The following SMAD3 variants were observed in gnomAD, a reference collection of about 807,000 sequenced individuals.
The protein encoded by SMAD3 is MAD homolog 3.
In SMAD3, 12 loss-of-function variants were observed where a neutral mutation model predicts 51.8. The ratio of observed to expected loss-of-function variants is 0.23; its 90% confidence interval spans 0.15 to 0.38. The LOEUF (loss-of-function observed/expected upper bound fraction) is 0.38, where lower values mean the gene tolerates loss of function less well. SMAD3 is among the 10% of genes least tolerant of loss of function. SMAD3 has a pLI of 1.00. For missense variants in SMAD3, 294 were observed against 565.6 expected, an observed-to-expected ratio of 0.52 and a Z score of 4.87; for synonymous variants, 238 against 227.7, an observed-to-expected ratio of 1.05 and a Z score of -0.41.
chr15:67,085,603 A>C (rs995126223), intron 1 of SMAD3, among the ~76,000 whole-genome samples: 1 of 152,044 alleles, frequency 6.6e-6, no homozygotes, highest in African/African-American at 2.4e-5. Flanking sequence ...ATGATTTGCA[A>C]TTGGTTGTTG....
chr15:67,113,013 C>T lies in SMAD3; in HGVS notation c.206+46653C>T, dbSNP rs1211470523. Among the ~76,000 whole-genome samples, 2 of 125,114 alleles carry T rather than the reference C, an allele frequency of 1.6e-5. 1 individual carries two copies. Among genetic ancestry groups the T allele is most frequent in the Non-Finnish European group, 3.2e-5 (2 of 62,028 alleles). 82.1% of individuals were successfully genotyped at this position (125,114 alleles called of 152,430 possible). On this transcript the variant is annotated intron_variant, in intron 1 of 8. Transcript: ENST00000327367. ...TTTTATTGATCCATACATCTATCCTCATGACAGTCTTGACTACTATAGCTT... is the reference window on the plus strand; with the variant it reads ...TTTTATTGATCCATACATCTATCCTTATGACAGTCTTGACTACTATAGCTT...
intron 1 of SMAD3, chr15:67,098,938 T>C: frequency 1.4e-6 from 1 of 702,416 alleles, no homozygotes; most frequent in East Asian, 2.7e-5. Context: ...CCCATGGAGA[T>C]GGGACAGTGT....
intron 1 of SMAD3, among the ~76,000 whole-genome samples, chr15:67,151,207 T>C (rs1962132514): frequency 6.6e-6 from 1 of 152,144 alleles, no homozygotes; most frequent in Non-Finnish European, 1.5e-5. Context: ...GGCCCAGATT[T>C]GTGTTTCAGT....
At chr15:67,156,155 G>A (rs1402147727) in intron 1 of SMAD3, among the ~76,000 whole-genome samples, 4 of 152,130 alleles carry the variant, frequency 2.6e-5, no homozygotes, top group African/African-American at 9.7e-5. Flanking sequence ...GTACCAGTGT[G>A]GGTTCAGGGC....
chr15:67,136,735 C>A (rs944209803), intron 1 of SMAD3, among the ~76,000 whole-genome samples: 1 of 152,216 alleles, frequency 6.6e-6, no homozygotes, highest in African/African-American at 2.4e-5. Flanking sequence ...AAATTTAGAA[C>A]ACATGGAGAA....
intron 1 of SMAD3, among the ~76,000 whole-genome samples, chr15:67,074,185 G>A (rs545657671): frequency 3.9e-3 from 589 of 152,332 alleles, no homozygotes; most frequent in Non-Finnish European, 5.4e-3. Flanking sequence ...CTAAATCAGT[G>A]AAATTTAACT....
intron 1 of SMAD3, among the ~76,000 whole-genome samples, chr15:67,101,703 G>A (rs1474959977): frequency 6.6e-6 from 1 of 152,228 alleles, no homozygotes; most frequent in African/African-American, 2.4e-5. Context: ...TGACAAGATC[G>A]AGATTGATTA....
chr15:67,088,588 A>G (rs191763386), intron 1 of SMAD3, among the ~76,000 whole-genome samples: 19 of 152,158 alleles, frequency 1.2e-4, no homozygotes, highest in African/African-American at 3.4e-4. Flanking sequence ...TAGGAAGGCT[A>G]TTTCAGAATG....
At chr15:67,186,804 TC>T (rs1567003103) in intron 7 of SMAD3, 3 of 332,448 alleles carry the variant, frequency 9.0e-6, no homozygotes, top group Non-Finnish European at 1.8e-5. Context: ...GGTGTATTCA[TC>T]AGAGGAGCCC....
intron 1 of SMAD3, among the ~76,000 whole-genome samples, chr15:67,139,687 A>C (rs543449713): frequency 7.9e-5 from 12 of 152,262 alleles, no homozygotes. Context: ...CTATGTTAAA[A>C]GGCCCTGGGA....
At chr15:67,082,862 T>C (rs57223125) in intron 1 of SMAD3, among the ~76,000 whole-genome samples, 5,751 of 152,272 alleles carry the variant, frequency 0.038, 385 homozygotes, top group African/African-American at 0.13. Flanking sequence ...TCAGAGTTAA[T>C]TAGTTTTTTG....
intron 1 of SMAD3, among the ~76,000 whole-genome samples, chr15:67,122,498 A>G (rs1194384591): frequency 3.9e-5 from 6 of 152,218 alleles, no homozygotes; most frequent in South Asian, 2.1e-4. Context: ...TTTTTTGGCC[A>G]TTTGTTAGAG....
chr15:67,178,311 TC>T (rs1052272927), intron 5 of SMAD3, among the ~76,000 whole-genome samples: 9 of 152,168 alleles, frequency 5.9e-5, no homozygotes, highest in African/African-American at 1.4e-4. Flanking sequence ...GGGTTGCCGT[TC>T]CTGGGAGCCT....
intron 1 of SMAD3, among the ~76,000 whole-genome samples, chr15:67,129,279 C>T (rs1961465923): frequency 6.6e-6 from 1 of 152,174 alleles, no homozygotes; most frequent in Admixed American, 6.5e-5. Context: ...TTTGTTTAGC[C>T]TTCTAGAGCA....
chr15:67,069,332 A>G (rs1382346244), intron 1 of SMAD3, among the ~76,000 whole-genome samples: 3 of 152,180 alleles, frequency 2.0e-5, no homozygotes, highest in African/African-American at 7.2e-5. Flanking sequence ...CAGAATTTAC[A>G]CAAGTTTTAT....
intron 5 of SMAD3, among the ~76,000 whole-genome samples, chr15:67,176,487 G>A (rs1273710500): frequency 1.3e-5 from 2 of 152,210 alleles, no homozygotes; most frequent in African/African-American, 2.4e-5. Flanking sequence ...CCTGGCCTTT[G>A]CCCGTTCCTT....
intron 1 of SMAD3, among the ~76,000 whole-genome samples, chr15:67,092,120 G>T (rs1448478524): frequency 6.6e-6 from 1 of 152,152 alleles, no homozygotes; most frequent in Non-Finnish European, 1.5e-5. Context: ...ACTACTTGCT[G>T]TGAGAGCCTC....
At chr15:67,153,751 T>TA (rs1377053220) in intron 1 of SMAD3, among the ~76,000 whole-genome samples, 1 of 152,304 alleles carries the variant, frequency 6.6e-6, no homozygotes, top group Non-Finnish European at 1.5e-5. Context: ...CCAACAAAGA[T>TA]TAGCCCAAAA....
chr15:67,169,622 AT>A (rs11333560), intron 4 of SMAD3, among the ~76,000 whole-genome samples: 40,913 of 127,848 alleles, frequency 0.32, 6,078 homozygotes, highest in East Asian at 0.42. Flanking sequence ...CTTACGGCTT[AT>A]TTTTTTTTTT....
Sources: gnomAD v4.1 joint callset for allele counts (sites outside exome capture counted in the v4.1 genomes callset) on GRCh38, gnomAD v4.1.1 for gene constraint, MANE v1.5 for transcripts, NCBI Gene and HGNC (gene_info 2026-07-23, HGNC 2026-07-21) for gene names.